Variants in COG5 observed in about 807,000 individuals in gnomAD.
The protein encoded by COG5 is component of oligomeric golgi complex 5.
A neutral mutation model predicts 110.4 loss-of-function variants in COG5; 86 were observed. The observed-to-expected ratio is 0.78, with a 90% CI of 0.65 to 0.93. The LOEUF (loss-of-function observed/expected upper bound fraction) is 0.93. Ranked by LOEUF, COG5 falls within the 40% of genes least tolerant of loss-of-function variation. The pLI is 0.00. For synonymous variants in COG5, 360 were observed against 334.6 expected (o/e 1.08, Z -0.83); for missense variants, 1,077 against 987.0 (o/e 1.09, Z -1.22).
At chr7:107,450,879 C>T (rs1795291246) in intron 6 of COG5, among the ~76,000 whole-genome samples, 1 of 152,084 alleles carries the variant, frequency 6.6e-6, no homozygotes, top group Non-Finnish European at 1.5e-5. Flanking sequence ...CAGACAACGC[C>T]CTGGCCACCC....
At chr7:107,312,142 A>G (rs1808326157) in intron 11 of COG5, among the ~76,000 whole-genome samples, 1 of 151,992 alleles carries the variant, frequency 6.6e-6, no homozygotes, top group Non-Finnish European at 1.5e-5. Flanking sequence ...TTTGTTTTAT[A>G]AAAGTATTTC....
intron 6 of COG5, among the ~76,000 whole-genome samples, chr7:107,496,997 C>A (rs1386454861): frequency 6.6e-6 from 1 of 151,948 alleles, no homozygotes; most frequent in Non-Finnish European, 1.5e-5. Context: ...ATCACTTGAG[C>A]CCAGGAGTTC....
At chr7:107,458,763 G>A (rs1241893043) in intron 6 of COG5, among the ~76,000 whole-genome samples, 1 of 152,106 alleles carries the variant, frequency 6.6e-6, no homozygotes, top group Non-Finnish European at 1.5e-5. Flanking sequence ...GGAGGCTGAG[G>A]CAGGAAGATC....
At chr7:107,562,712 C>T (rs1270699160) in intron 1 of COG5, among the ~76,000 whole-genome samples, 1 of 152,162 alleles carries the variant, frequency 6.6e-6, no homozygotes, top group Non-Finnish European at 1.5e-5. Flanking sequence ...AACATCATTG[C>T]TTTTGACAAA....
intron 21 of COG5, among the ~76,000 whole-genome samples, chr7:107,205,763 GA>G (rs1798726945): frequency 6.6e-6 from 1 of 152,038 alleles, no homozygotes; most frequent in Non-Finnish European, 1.5e-5. Context: ...CAGGCAGCAG[GA>G]AAGAATGGAA....
chr7:107,463,818 G>C (rs1796143947), intron 6 of COG5, among the ~76,000 whole-genome samples: 1 of 152,062 alleles, frequency 6.6e-6, no homozygotes, highest in African/African-American at 2.4e-5. Flanking sequence ...TTCTGCTTTG[G>C]TTTCTCACTC....
chr7:107,233,967 G>A (rs1009604343), intron 18 of COG5, among the ~76,000 whole-genome samples: 2 of 152,180 alleles, frequency 1.3e-5, no homozygotes, highest in African/African-American at 4.8e-5. Context: ...TTTAAAAAGT[G>A]GGTGGGGGAG....
In COG5 at chr7:107,548,203, G is replaced by C. The variant is rs747120161; in HGVS notation, c.348-23C>G. The C allele has an allele frequency of 3.1e-6, 5 of 1,608,962 alleles. No homozygotes were observed. In the Admixed American group the frequency reaches 8.3e-5, roughly 27 times the overall value. On this transcript the variant is annotated intron_variant, in intron 4 of 21. Transcript: ENST00000297135. Reference sequence around the variant, plus strand: ...ATCCTACAGGAAAAGAGAGGAGTGAGAATAAAATCATTTTCAGAATATCAA... The same window carrying C: ...ATCCTACAGGAAAAGAGAGGAGTGACAATAAAATCATTTTCAGAATATCAA...
intron 11 of COG5, among the ~76,000 whole-genome samples, chr7:107,321,734 C>A (rs1809308686): frequency 6.6e-6 from 1 of 152,094 alleles, no homozygotes; most frequent in African/African-American, 2.4e-5. Flanking sequence ...TCATAACATA[C>A]ACGAAAATTA....
Position 107,537,461 on chromosome 7 carries a change from C to T in COG5, c.418-10104G>A, listed in dbSNP as rs780812148. ...GCAGGGACAAAGATGAAGCTGGAAA[C>T]CATCATTCTCAGCAAACTAACACAG... On this transcript the variant is annotated intron_variant, in intron 5 of 21. Transcript: ENST00000297135. Among the ~76,000 whole-genome samples, 4 of 152,060 alleles carry T rather than the reference C, an allele frequency of 2.6e-5. No individual in the cohort carries two copies. In the South Asian group the frequency reaches 8.3e-4, roughly 32 times the overall value.
chr7:107,469,205 T>C (rs1796486158), intron 6 of COG5, among the ~76,000 whole-genome samples: 1 of 151,854 alleles, frequency 6.6e-6, no homozygotes. Flanking sequence ...TATTAGCGTG[T>C]AGCTACATAT....
At chr7:107,393,050 G>A (rs749248278) in intron 7 of COG5, among the ~76,000 whole-genome samples, 6 of 152,060 alleles carry the variant, frequency 3.9e-5, no homozygotes, top group Admixed American at 6.5e-5. Flanking sequence ...TTCTTGCCTC[G>A]CATACCAGAC....
chr7:107,471,315 ATT>A (rs1458503595), intron 6 of COG5: 9 of 152,064 alleles, frequency 5.9e-5, no homozygotes, highest in Non-Finnish European at 1.0e-4. Flanking sequence ...GTAACTTGCA[ATT>A]AATTACAAAT....
intron 5 of COG5, among the ~76,000 whole-genome samples, chr7:107,544,678 G>A (rs963645697): frequency 1.3e-5 from 2 of 152,218 alleles, no homozygotes; most frequent in African/African-American, 4.8e-5. Flanking sequence ...GCCAAAGCCA[G>A]TCTGCAAAGA....
intron 7 of COG5, among the ~76,000 whole-genome samples, chr7:107,404,885 GAAAAAAA>G (rs59988899): frequency 1.2e-4 from 4 of 32,404 alleles, no homozygotes; most frequent in Admixed American, 3.9e-4. Context: ...TTCAGAAGAT[GAAAAAAA>G]AAAAAAAAAA....
chr7:107,330,128 C>T (rs3801957), intron 10 of COG5, among the ~76,000 whole-genome samples: 16,156 of 152,140 alleles, frequency 0.11, 1,718 homozygotes, highest in African/African-American at 0.27. Flanking sequence ...ATAACTGACT[C>T]CCAGTATGTC....
intron 10 of COG5, among the ~76,000 whole-genome samples, chr7:107,324,795 T>C (rs1390368631): frequency 6.6e-6 from 1 of 152,184 alleles, no homozygotes; most frequent in Non-Finnish European, 1.5e-5. Context: ...GCCTTTGTTC[T>C]TCATATGAAA....
intron 21 of COG5, 146 bp downstream of exon 21, chr7:107,210,380 C>T (rs1799074633): frequency 6.9e-7 from 1 of 1,455,350 alleles, no homozygotes; most frequent in Non-Finnish European, 9.1e-7. Flanking sequence ...GCTCCAGCAC[C>T]CGTGCCTAGG....
chr7:107,460,184 C>T (rs1287572934), intron 6 of COG5, among the ~76,000 whole-genome samples: 3 of 152,106 alleles, frequency 2.0e-5, no homozygotes, highest in South Asian at 2.1e-4. Flanking sequence ...TGGAGGATTG[C>T]TTGAGTCCAG....
Sources: allele counts gnomAD v4.1 joint callset (sites outside exome capture counted in the v4.1 genomes callset), GRCh38; gene constraint gnomAD v4.1.1; transcripts MANE v1.5; gene names NCBI Gene and HGNC (gene_info 2026-07-23, HGNC 2026-07-21).